Variants in EFHC2 observed in about 807,000 individuals in gnomAD.
EFHC2 encodes EF-hand domain-containing family member C2.
A neutral mutation model predicts 52.7 loss-of-function variants in EFHC2; 18 were observed. The observed-to-expected ratio is 0.34, with a 90% CI of 0.24 to 0.51. The LOEUF (loss-of-function observed/expected upper bound fraction) is 0.51. EFHC2 is among the 20% of genes least tolerant of loss of function. The pLI is 0.97. For synonymous variants in EFHC2, 203 were observed against 204.1 expected (o/e 0.99, Z 0.04); for missense variants, 513 against 562.5 (o/e 0.91, Z 0.89).
chrX:44,300,469 T>C (rs1174771264), intron 2 of EFHC2, among the ~76,000 whole-genome samples: 1 of 111,503 alleles, frequency 9.0e-6, no homozygotes, highest in Admixed American at 9.5e-5. Context: ...TATTTTGTTA[T>C]GGTGAAATCG....
At chrX:44,246,964 T>C (rs1311369311) in intron 7 of EFHC2, among the ~76,000 whole-genome samples, 3 of 111,861 alleles carry the variant, frequency 2.7e-5, no homozygotes, top group African/African-American at 9.8e-5. Flanking sequence ...GGCATCTACA[T>C]TTATTAAAGG....
chrX:44,276,173 G>A (rs1000598668), intron 2 of EFHC2, among the ~76,000 whole-genome samples: 1 of 110,973 alleles, frequency 9.0e-6, no homozygotes, highest in African/African-American at 3.3e-5. Flanking sequence ...ATCCCAACAC[G>A]TTAGGAGGCT....
In EFHC2 at chrX:44,216,615, A is replaced by G. The variant is rs1399028768; in HGVS notation, c.1751+13034T>C. Among the ~76,000 whole-genome samples, 4 of 111,827 alleles carry G rather than the reference A, an allele frequency of 3.6e-5. No individual in the cohort carries two copies. The Admixed American group carries it at 3.8e-4, about 11-fold the overall frequency. On this transcript the variant is annotated intron_variant, in intron 11 of 14. Transcript: ENST00000420999. Reference sequence around the variant, plus strand: ...AGGTGCCAAGATCATACACTGGGGAAAAGATAGTCTCATCAATAAATGGTG... The same window carrying G: ...AGGTGCCAAGATCATACACTGGGGAGAAGATAGTCTCATCAATAAATGGTG...
At chrX:44,292,564 T>C (rs1048427618) in intron 2 of EFHC2, among the ~76,000 whole-genome samples, 3 of 112,125 alleles carry the variant, frequency 2.7e-5, no homozygotes, top group Non-Finnish European at 5.6e-5. Context: ...ACTGAATTTA[T>C]ATGCTTTGGA....
At chrX:44,322,521 G>T (rs1242770396) in intron 1 of EFHC2, among the ~76,000 whole-genome samples, 1 of 111,844 alleles carries the variant, frequency 8.9e-6, no homozygotes, top group Non-Finnish European at 1.9e-5. Flanking sequence ...TAAAGGATAG[G>T]ACAGGAGACC....
chrX:44,162,376 T>C (rs1399897257), intron 14 of EFHC2, among the ~76,000 whole-genome samples: 2 of 111,263 alleles, frequency 1.8e-5, no homozygotes, highest in Non-Finnish European at 3.8e-5. Flanking sequence ...TGAGCTGAGA[T>C]CATATCACTG....
At chrX:44,321,932 T>C (rs895055983) in intron 1 of EFHC2, among the ~76,000 whole-genome samples, 2 of 111,807 alleles carry the variant, frequency 1.8e-5, no homozygotes, top group Non-Finnish European at 3.8e-5. Context: ...AAAGATCATC[T>C]AAATGTCATC....
At chrX:44,172,272 TA>T (rs1380789503) in intron 13 of EFHC2, among the ~76,000 whole-genome samples, 3 of 111,584 alleles carry the variant, frequency 2.7e-5, no homozygotes, top group Non-Finnish European at 5.6e-5. Flanking sequence ...AGGCCACAAT[TA>T]GGGGAGAAGG....
chrX:44,173,508 G>A (rs1181432555), intron 13 of EFHC2, among the ~76,000 whole-genome samples: 4 of 111,999 alleles, frequency 3.6e-5, no homozygotes, highest in African/African-American at 1.3e-4. Flanking sequence ...CAGAGATGAT[G>A]CAAAACACTA....
chrX:44,157,394 A>C (rs1055608545), intron 14 of EFHC2, among the ~76,000 whole-genome samples: 3 of 110,805 alleles, frequency 2.7e-5, no homozygotes, highest in Non-Finnish European at 3.8e-5. Flanking sequence ...TTTGCCCCTC[A>C]AGATCCATTC....
intron 11 of EFHC2, among the ~76,000 whole-genome samples, chrX:44,218,214 G>A (rs781751184): frequency 1.7e-3 from 185 of 111,324 alleles, no homozygotes; most frequent in African/African-American, 5.7e-3. Context: ...ATTTTAGTGA[G>A]AATACTTCAA....
chrX:44,252,460 T>C (rs960126195), intron 4 of EFHC2, among the ~76,000 whole-genome samples: 3 of 112,356 alleles, frequency 2.7e-5, no homozygotes, highest in Admixed American at 9.4e-5. Flanking sequence ...GTCTTATCTC[T>C]GATATTTAAA....
chrX:44,343,010 C>T, intron 1 of EFHC2, among the ~76,000 whole-genome samples: 1 of 110,442 alleles, frequency 9.1e-6, no homozygotes, highest in African/African-American at 3.3e-5. Context: ...TGCCACCTAC[C>T]CCTCTTGATA....
intron 1 of EFHC2, among the ~76,000 whole-genome samples, chrX:44,321,943 T>A (rs1194633306): frequency 1.8e-5 from 2 of 111,749 alleles, no homozygotes; most frequent in Non-Finnish European, 3.8e-5. Context: ...AAATGTCATC[T>A]CTTAAAGTCT....
chrX:44,333,468 T>G (rs1415503913), intron 1 of EFHC2, among the ~76,000 whole-genome samples: 1 of 111,277 alleles, frequency 9.0e-6, no homozygotes, highest in Non-Finnish European at 1.9e-5. Context: ...TTAACTGGAG[T>G]ATTAGGCTTG....
At chrX:44,338,351 A>T (rs906388815) in intron 1 of EFHC2, among the ~76,000 whole-genome samples, 1 of 74,730 alleles carries the variant, frequency 1.3e-5, no homozygotes, top group African/African-American at 6.9e-5. Context: ...AATTTAAAAA[A>T]TTAGCTGGGT....
Position 44,250,369 on chromosome X carries a change from T to G in EFHC2, c.683A>C (p.Lys228Thr), listed in dbSNP as rs755769282. The G allele has an allele frequency of 6.6e-6, 8 of 1,211,266 alleles. No individual in the cohort carries two copies. The highest frequency in any genetic ancestry group is 8.9e-6 in the Non-Finnish European group (8 of 895,254). Residue 228 changes from lysine to threonine, a missense_variant, in exon 5 of 15, where the codon AAG (lysine) becomes ACG (threonine). By Grantham distance (78) the Lys-to-Thr change is moderately conservative. Transcript: ENST00000420999. Reference sequence around the variant, plus strand: ...CCACAGGCAGAAGAAACACAAAATCTTGCCATGATACTGGAGGAACTGTTT... The same window carrying G: ...CCACAGGCAGAAGAAACACAAAATCGTGCCATGATACTGGAGGAACTGTTT... Reference protein sequence around the residue: ...TLKQFLQYHGKILCFFCLWDD... With the variant: ...TLKQFLQYHGTILCFFCLWDD...
intron 7 of EFHC2, among the ~76,000 whole-genome samples, chrX:44,244,418 A>C (rs2037383645): frequency 1.8e-5 from 2 of 112,261 alleles, no homozygotes; most frequent in African/African-American, 3.2e-5. Context: ...TGCGTGTTTT[A>C]GGTGTTCAAA....
At chrX:44,240,788 T>TG (rs2037353602) in intron 8 of EFHC2, among the ~76,000 whole-genome samples, 1 of 111,141 alleles carries the variant, frequency 9.0e-6, no homozygotes, top group Non-Finnish European at 1.9e-5. Context: ...TCAGTCAGTC[T>TG]GGGGGTGGGG....
Sources: allele counts gnomAD v4.1 joint callset (sites outside exome capture counted in the v4.1 genomes callset), GRCh38; gene constraint gnomAD v4.1.1; transcripts MANE v1.5; gene names NCBI Gene and HGNC (gene_info 2026-07-23, HGNC 2026-07-21).